The following CENPU variants were observed in gnomAD, a reference collection of about 807,000 sequenced individuals.
CENPU encodes the protein centromere protein U.
In CENPU, 46 loss-of-function variants were observed where a neutral mutation model predicts 56.7. The observed-to-expected ratio is 0.81, with a 90% CI of 0.64 to 1.04. The LOEUF (loss-of-function observed/expected upper bound fraction) is 1.04, where lower values mean the gene tolerates loss of function less well. CENPU is among the 50% of genes least tolerant of loss of function. CENPU has a pLI of 0.00. For missense variants in CENPU, 510 were observed against 490.1 expected, an observed-to-expected ratio of 1.04 and a Z score of -0.38; for synonymous variants, 166 against 163.0, an observed-to-expected ratio of 1.02 and a Z score of -0.14.
intron 7 of CENPU, 129 bp from the exon 8 acceptor site, chr4:184,710,309 G>A: frequency 3.5e-6 from 2 of 570,886 alleles, no homozygotes; most frequent in South Asian, 2.6e-5. Flanking sequence ...CAATCAGAGA[G>A]GAGGTGCCGT....
intron 1 of CENPU, among the ~76,000 whole-genome samples, chr4:184,732,070 A>G (rs375328171): frequency 2.0e-4 from 31 of 152,334 alleles, no homozygotes; most frequent in African/African-American, 7.0e-4. Flanking sequence ...CAATTGTCCT[A>G]TAATGTCTTT....
At chr4:184,723,572 G>A (rs910453180) in intron 4 of CENPU, among the ~76,000 whole-genome samples, 8 of 152,224 alleles carry the variant, frequency 5.3e-5, no homozygotes, top group Admixed American at 6.5e-5. Context: ...AGCCAGGCAC[G>A]GTGGCTAACG....
intron 11 of CENPU, among the ~76,000 whole-genome samples, chr4:184,700,079 G>C (rs542265888): frequency 6.6e-6 from 1 of 152,322 alleles, no homozygotes; most frequent in East Asian, 1.9e-4. Flanking sequence ...CTCAGGAGCA[G>C]ACACCACATC....
intron 4 of CENPU, among the ~76,000 whole-genome samples, chr4:184,719,189 CAA>C (rs1052383733): frequency 2.5e-4 from 38 of 152,176 alleles, no homozygotes; most frequent in African/African-American, 8.7e-4. Context: ...TCACAGGAAA[CAA>C]AAGTCAGCTG....
At chr4:184,702,557 TA>T (rs142399105) in intron 8 of CENPU, 116 bp from the exon 9 acceptor site, 90,096 of 610,264 alleles carry the variant, frequency 0.15, 7,829 homozygotes, top group African/African-American at 0.26. Flanking sequence ...TTTTTTATTT[TA>T]AAAATATCTT....
intron 4 of CENPU, among the ~76,000 whole-genome samples, chr4:184,718,566 A>C (rs35981185): frequency 0.18 from 27,041 of 152,094 alleles, 2,681 homozygotes; most frequent in African/African-American, 0.26. Flanking sequence ...GGCCAGAGAG[A>C]GCTGGCATAA....
At chr4:184,707,843 A>G (rs1760779701) in intron 8 of CENPU, among the ~76,000 whole-genome samples, 1 of 152,238 alleles carries the variant, frequency 6.6e-6, no homozygotes, top group Non-Finnish European at 1.5e-5. Context: ...ATTTTAGAAT[A>G]GCTGATCCAG....
intron 1 of CENPU, among the ~76,000 whole-genome samples, chr4:184,731,813 T>A (rs545089651): frequency 3.6e-4 from 54 of 152,012 alleles, no homozygotes; most frequent in African/African-American, 1.3e-3. Flanking sequence ...TTATCTGATA[T>A]AATTTCAAGC....
Position 184,695,347 on chromosome 4 carries a change from C to T in CENPU, c.1198G>A (p.Ala400Thr), listed in dbSNP as rs150887446. ...TTGATATTTCGCAGATGGCTTTCGG[C>T]TCCCAGAAGTGTTCTTGCTTTAAAT... ...LLFKARTLLG[A>T]ESHLRNINHQ... The change falls in exon 13 of 13, where the codon GCC becomes ACC. Residue 400 changes from alanine to threonine, a missense_variant. By Grantham distance (58) the Ala-to-Thr change is moderately conservative (BLOSUM62 0). Transcript: ENST00000281453. 4.5e-5 allele frequency: 73 copies of T among 1,613,616 alleles called. No individual in the cohort carries two copies. In the East Asian group the frequency reaches 1.6e-3, roughly 34 times the overall value.
At chr4:184,730,507 T>TAAAAAAAAAAAAA (rs374854623) in intron 2 of CENPU, among the ~76,000 whole-genome samples, 1 of 110,300 alleles carries the variant, frequency 9.1e-6, no homozygotes, top group African/African-American at 3.9e-5. Context: ...TCAAGAACGT[T>TAAAAAAAAAAAAA]AAAGAAATGC....
intron 4 of CENPU, among the ~76,000 whole-genome samples, chr4:184,721,583 CA>C (rs1240990600): frequency 1.3e-5 from 2 of 150,694 alleles, no homozygotes; most frequent in Admixed American, 1.3e-4. Context: ...CAATGGAAAC[CA>C]AAAAGAGCAG....
chr4:184,727,054 T>G (rs1761481059), intron 3 of CENPU, among the ~76,000 whole-genome samples: 2 of 144,968 alleles, frequency 1.4e-5, no homozygotes, highest in South Asian at 2.2e-4. Flanking sequence ...AGGTGGAGGT[T>G]GCAGTGAGCC....
At chr4:184,732,476 C>T (rs973930160) in intron 1 of CENPU, among the ~76,000 whole-genome samples, 1 of 152,086 alleles carries the variant, frequency 6.6e-6, no homozygotes, top group African/African-American at 2.4e-5. Flanking sequence ...GGTTTTATGG[C>T]AATTTTATAG....
chr4:184,705,571 C>T (rs959856373), intron 8 of CENPU, among the ~76,000 whole-genome samples: 9 of 142,868 alleles, frequency 6.3e-5, no homozygotes, highest in Admixed American at 4.7e-4. Context: ...CAAAAGAAGA[C>T]ATTTAATTAA....
chr4:184,732,856 G>C (rs939867396), intron 1 of CENPU, among the ~76,000 whole-genome samples: 1 of 152,092 alleles, frequency 6.6e-6, no homozygotes. Flanking sequence ...ACAAAAATTA[G>C]CTGGACGTGG....
intron 2 of CENPU, among the ~76,000 whole-genome samples, chr4:184,729,364 A>T (rs2150231647): frequency 6.6e-6 from 1 of 152,312 alleles, no homozygotes; most frequent in South Asian, 2.1e-4. Context: ...CAAGAAAGTA[A>T]ATTCTTTTAG....
intron 4 of CENPU, among the ~76,000 whole-genome samples, chr4:184,722,797 T>C (rs571477678): frequency 4.0e-5 from 6 of 151,640 alleles, no homozygotes; most frequent in African/African-American, 9.7e-5. Context: ...AACTAGAAAA[T>C]AGGAAAAAGG....
chr4:184,723,764 A>G (rs187726312), intron 4 of CENPU, among the ~76,000 whole-genome samples: 1 of 147,260 alleles, frequency 6.8e-6, no homozygotes, highest in East Asian at 2.0e-4. Flanking sequence ...AATTGCTTGA[A>G]CCTGGGAGGC....
chr4:184,729,441 T>C (rs1400613905), intron 2 of CENPU, among the ~76,000 whole-genome samples: 1 of 152,250 alleles, frequency 6.6e-6, no homozygotes, highest in Non-Finnish European at 1.5e-5. Flanking sequence ...ATGCAGACAG[T>C]AACCACACAG....
Sources: allele counts gnomAD v4.1 joint callset (sites outside exome capture counted in the v4.1 genomes callset), GRCh38; gene constraint gnomAD v4.1.1; transcripts MANE v1.5; gene names NCBI Gene and HGNC (gene_info 2026-07-23, HGNC 2026-07-21).